TMEM131: variants seen among roughly 807,000 people sequenced by gnomAD.
TMEM131 encodes 2610524E03Rik.
TMEM131 carries 66 observed loss-of-function variants against 211.6 expected under a neutral mutation model. The ratio of observed to expected loss-of-function variants is 0.31; its 90% CI spans 0.26 to 0.38. TMEM131 has a LOEUF of 0.38. TMEM131 is among the 10% of genes least tolerant of loss of function. TMEM131 has a pLI of 1.00. For synonymous variants in TMEM131, 844 were observed against 841.3 expected (o/e 1.00, Z -0.06); for missense variants, 2,036 against 2,299.3 (o/e 0.89, Z 2.34).
chr2:97,893,592 C>T (rs1675475511), intron 3 of TMEM131, among the ~76,000 whole-genome samples: 1 of 152,098 alleles, frequency 6.6e-6, no homozygotes, highest in East Asian at 1.9e-4. Context: ...TTCTAACTGG[C>T]GTGAGATGGT....
chr2:97,876,430 G>A (rs1674697466), intron 4 of TMEM131, among the ~76,000 whole-genome samples: 1 of 152,210 alleles, frequency 6.6e-6, no homozygotes. Flanking sequence ...CAATATCCCT[G>A]ATGAACACTG....
chr2:97,837,050 A>T, intron 8 of TMEM131, 27 bp downstream of exon 8: 5 of 1,596,462 alleles, frequency 3.1e-6, no homozygotes, highest in Non-Finnish European at 4.3e-6. Context: ...GGGAGCACAC[A>T]CAAGAGAAAA....
intron 5 of TMEM131, among the ~76,000 whole-genome samples, chr2:97,854,062 G>A (rs1009385507): frequency 1.3e-5 from 2 of 152,158 alleles, no homozygotes; most frequent in African/African-American, 4.8e-5. Context: ...GAAATCTTTT[G>A]TGAAAAGAAG....
intron 3 of TMEM131, among the ~76,000 whole-genome samples, chr2:97,907,969 T>C (rs571806766): frequency 3.9e-5 from 6 of 152,118 alleles, no homozygotes; most frequent in African/African-American, 1.4e-4. Context: ...GGGCTGGGAG[T>C]GAACACAAAA....
At chr2:97,828,708 T>C (rs1191651197) in intron 11 of TMEM131, among the ~76,000 whole-genome samples, 1 of 152,188 alleles carries the variant, frequency 6.6e-6, no homozygotes, top group East Asian at 1.9e-4. Context: ...GAGAAGAGTG[T>C]TTTTTTACAC....
rs750074318 is a variant in TMEM131, at chr2:97,843,066, T to TAAAAA, written c.600+1074_600+1078dup. On this transcript the variant is annotated intron_variant, in intron 6 of 40. Transcript: ENST00000186436. ...TAATGGGTACTGGGGAGGAAATGTT[T>TAAAAA]AAAAAAAAAAAAAAAAGCACAGGAA... Among the ~76,000 whole-genome samples, 77 of 134,544 alleles carry TAAAAA rather than the reference T, an allele frequency of 5.7e-4. No individual in the cohort carries two copies. The East Asian group carries it at 0.017, about 29-fold the overall frequency. 88.3% of individuals were successfully genotyped at this position (134,544 alleles called of 152,430 possible).
chr2:97,785,425 A>C (rs1480245457), intron 31 of TMEM131, among the ~76,000 whole-genome samples: 1 of 152,238 alleles, frequency 6.6e-6, no homozygotes, highest in Non-Finnish European at 1.5e-5. Flanking sequence ...AATATATTCA[A>C]TATCATTATC....
At chr2:97,972,873 T>C (rs185830767) in intron 1 of TMEM131, among the ~76,000 whole-genome samples, 19 of 152,222 alleles carry the variant, frequency 1.2e-4, no homozygotes, top group African/African-American at 4.1e-4. Flanking sequence ...AGGTGGCCTC[T>C]AGAAGCTGGA....
intron 1 of TMEM131, among the ~76,000 whole-genome samples, chr2:97,976,756 A>G (rs567487080): frequency 4.6e-5 from 7 of 152,290 alleles, no homozygotes; most frequent in African/African-American, 1.4e-4. Flanking sequence ...ACTATAATAC[A>G]GCTGCAGTCA....
Position 97,812,639 on chromosome 2 carries a change from C to T in TMEM131, c.1728G>A (p.Glu576=). ...LFAIINSNPI[E]LAIKSWHIIG... Reference sequence around the variant, plus strand: ...ATTTAGAATAAAAACAGGTTTTTACCTCAATTGGATTGCTGTTTATAATTG... The same window carrying T: ...ATTTAGAATAAAAACAGGTTTTTACTTCAATTGGATTGCTGTTTATAATTG... Residue 576 remains glutamate, a splice_region_variant and synonymous_variant, in exon 16 of 41, where the codon GAG becomes GAA. Transcript: ENST00000186436. 1 of 1,586,610 alleles carries T rather than the reference C, an allele frequency of 6.3e-7. No individual in the cohort carries two copies. Among genetic ancestry groups the T allele is most frequent in the Non-Finnish European group, 8.6e-7 (1 of 1,168,398 alleles).
chr2:97,937,339 C>G (rs1004657291), intron 1 of TMEM131, among the ~76,000 whole-genome samples: 1 of 151,796 alleles, frequency 6.6e-6, no homozygotes, highest in Non-Finnish European at 1.5e-5. Context: ...AATCAGCAAA[C>G]TCAAAAATAG....
chr2:97,903,983 A>C (rs1175838125), intron 3 of TMEM131, among the ~76,000 whole-genome samples: 1 of 152,162 alleles, frequency 6.6e-6, no homozygotes, highest in Non-Finnish European at 1.5e-5. Flanking sequence ...TATTCTATAA[A>C]ATAAACAGCA....
rs1440037285 is a variant in TMEM131, at chr2:97,812,432, C to A, written c.1852G>T (p.Asp618Tyr). Residue 618 changes from aspartate to tyrosine, a missense_variant, in exon 17 of 41, where the codon GAT becomes TAT. Physicochemically the swap from Asp to Tyr is radical, Grantham distance 160. Coordinates refer to ENST00000186436, the MANE Select transcript of TMEM131 (RefSeq NM_015348.2). Reference protein sequence around the residue: ...LPEFEKSSLSDQSSVTLASGY... With the variant: ...LPEFEKSSLSYQSSVTLASGY... ...GAAAGTTTACTTACCGATGATTGAT[C>A]TGATAAAGAGGATTTTTCAAACTCT... 1 of 1,601,190 alleles carries A rather than the reference C, an allele frequency of 6.2e-7. No homozygotes were observed. Among genetic ancestry groups the A allele is most frequent in the South Asian group, 1.1e-5 (1 of 87,620 alleles).
chr2:97,972,622 A>T (rs1019007761), intron 1 of TMEM131, among the ~76,000 whole-genome samples: 1 of 152,172 alleles, frequency 6.6e-6, no homozygotes, highest in Non-Finnish European at 1.5e-5. Flanking sequence ...TAACCTCGGG[A>T]TCTTGTGAAT....
At chr2:97,904,521 A>C (rs985080266) in intron 3 of TMEM131, among the ~76,000 whole-genome samples, 2 of 152,174 alleles carry the variant, frequency 1.3e-5, no homozygotes, top group African/African-American at 4.8e-5. Context: ...TTCAAAACAA[A>C]AGGTAAAATA....
chr2:97,923,936 C>T (rs1451366621), intron 2 of TMEM131, among the ~76,000 whole-genome samples: 2 of 152,020 alleles, frequency 1.3e-5, no homozygotes, highest in African/African-American at 4.8e-5. Context: ...AAAAATTAGT[C>T]GGGCTTGGTA....
chr2:97,872,813 G>A (rs1258996094), intron 4 of TMEM131, among the ~76,000 whole-genome samples: 7 of 152,290 alleles, frequency 4.6e-5, no homozygotes, highest in South Asian at 2.1e-4. Flanking sequence ...CTGGGCGGCC[G>A]TTTGGGCAGT....
intron 1 of TMEM131, among the ~76,000 whole-genome samples, chr2:97,966,322 T>TC (rs1181861675): frequency 1.3e-5 from 2 of 152,092 alleles, no homozygotes; most frequent in African/African-American, 4.8e-5. Context: ...GGACAATTTC[T>TC]CCCTAAATTA....
intron 1 of TMEM131, among the ~76,000 whole-genome samples, chr2:97,950,796 T>A (rs1192566562): frequency 6.6e-6 from 1 of 152,090 alleles, no homozygotes; most frequent in African/African-American, 2.4e-5. Context: ...CTCAACACTG[T>A]GGAATGAAAA....
Sources: allele counts gnomAD v4.1 joint callset (sites outside exome capture counted in the v4.1 genomes callset), GRCh38; gene constraint gnomAD v4.1.1; transcripts MANE v1.5; gene names NCBI Gene and HGNC (gene_info 2026-07-23, HGNC 2026-07-21).